The following LHFPL2 variants were observed in gnomAD, a reference collection of about 807,000 sequenced individuals.
The protein encoded by LHFPL2 is LHFPL tetraspan subfamily member 2 protein.
Under a neutral mutation model 17.5 loss-of-function variants are expected in LHFPL2, and 7 were observed. That is an observed-to-expected ratio of 0.40 (90% confidence interval 0.23 to 0.75). LHFPL2 has a LOEUF of 0.75. Ranked by LOEUF, LHFPL2 falls within the 30% of genes least tolerant of loss-of-function variation. The pLI, the probability that LHFPL2 is intolerant of heterozygous loss-of-function variation, is 0.37. For synonymous variants in LHFPL2, 134 were observed against 116.2 expected (o/e 1.15, Z -0.99); for missense variants, 241 against 294.8 (o/e 0.82, Z 1.34).
intron 4 of LHFPL2, among the ~76,000 whole-genome samples, chr5:78,507,791 A>G (rs1754975558): frequency 6.6e-6 from 1 of 152,230 alleles, no homozygotes; most frequent in Non-Finnish European, 1.5e-5. Flanking sequence ...AGCGAGGGAA[A>G]ACTAAACAGA....
intron 4 of LHFPL2, among the ~76,000 whole-genome samples, chr5:78,500,529 A>G (rs1421687301): frequency 6.6e-6 from 1 of 152,172 alleles, no homozygotes; most frequent in East Asian, 1.9e-4. Flanking sequence ...ACCCAGGAAG[A>G]GTTCTGGTTC....
intron 2 of LHFPL2, among the ~76,000 whole-genome samples, chr5:78,581,269 T>G (rs1479615284): frequency 6.6e-6 from 1 of 152,192 alleles, no homozygotes; most frequent in African/African-American, 2.4e-5. Context: ...TTTTCCTAAT[T>G]GAATACCCTT....
intron 2 of LHFPL2, among the ~76,000 whole-genome samples, chr5:78,579,709 A>C (rs1161097787): frequency 6.6e-6 from 1 of 152,132 alleles, no homozygotes; most frequent in Non-Finnish European, 1.5e-5. Context: ...TCCATGGTGT[A>C]TATGTGCCAC....
At chr5:78,530,676 C>T (rs535357480) in intron 3 of LHFPL2, among the ~76,000 whole-genome samples, 17 of 152,256 alleles carry the variant, frequency 1.1e-4, no homozygotes, top group East Asian at 5.8e-4. Flanking sequence ...AACATGGAAC[C>T]CAAACTGATC....
chr5:78,613,154 A>G (rs1386135794), intron 2 of LHFPL2, among the ~76,000 whole-genome samples: 1 of 152,192 alleles, frequency 6.6e-6, no homozygotes, highest in Non-Finnish European at 1.5e-5. Flanking sequence ...TACTGCTTAG[A>G]GGTCAACTTC....
intron 2 of LHFPL2, among the ~76,000 whole-genome samples, chr5:78,583,696 C>CTGAA (rs1300605176): frequency 6.6e-6 from 1 of 152,078 alleles, no homozygotes; most frequent in African/African-American, 2.4e-5. Context: ...CCCAACCTTT[C>CTGAA]TCTCTGGCTG....
rs549550230 is a variant in LHFPL2 at position 78,572,982 on chromosome 5, G to C, written c.-244-8111C>G. On this transcript the variant is annotated intron_variant, in intron 2 of 4. Transcript: ENST00000380345. ...CCTATGAGAATCTAATGCTGCTGCT[G>C]AGCTGACAGAAGGTGGAGCTCAGGC... Among the ~76,000 whole-genome samples, 8 of 152,314 alleles carry C rather than the reference G, an allele frequency of 5.3e-5. 1 individual carries two copies. The highest frequency in any genetic ancestry group is 5.2e-4 in the Admixed American group (8 of 15,306).
chr5:78,628,771 T>TGTTTTC (rs1197648803), intron 2 of LHFPL2, among the ~76,000 whole-genome samples: 1 of 152,250 alleles, frequency 6.6e-6, no homozygotes, highest in East Asian at 1.9e-4. Flanking sequence ...TTCAGCTGTT[T>TGTTTTC]GTTTTCTTTT....
At chr5:78,602,809 C>G (rs747038548) in intron 2 of LHFPL2, among the ~76,000 whole-genome samples, 1 of 152,164 alleles carries the variant, frequency 6.6e-6, no homozygotes, top group Non-Finnish European at 1.5e-5. Flanking sequence ...TGAGCCGGGC[C>G]CATGCAATTA....
At chr5:78,581,188 C>T (rs370362534) in intron 2 of LHFPL2, among the ~76,000 whole-genome samples, 1 of 151,994 alleles carries the variant, frequency 6.6e-6, no homozygotes, top group African/African-American at 2.4e-5. Context: ...GATTTTTGTA[C>T]ATTGATTGAC....
At chr5:78,591,721 A>T (rs375357372) in intron 2 of LHFPL2, among the ~76,000 whole-genome samples, 24 of 152,328 alleles carry the variant, frequency 1.6e-4, no homozygotes, top group South Asian at 1.0e-3. Context: ...CTTTGTTAAA[A>T]CCAACTCTGG....
chr5:78,618,803 T>G (rs959087932), intron 2 of LHFPL2, among the ~76,000 whole-genome samples: 6 of 152,166 alleles, frequency 3.9e-5, no homozygotes, highest in African/African-American at 1.4e-4. Flanking sequence ...AAAGGTAACA[T>G]GCACTGAGAC....
intron 3 of LHFPL2, among the ~76,000 whole-genome samples, chr5:78,534,335 CG>C (rs1480699155): frequency 6.6e-6 from 1 of 152,120 alleles, no homozygotes; most frequent in Non-Finnish European, 1.5e-5. Context: ...GAGAAATGGC[CG>C]GGAGTCCAGG....
At chr5:78,493,429 T>C (rs967312920) in intron 4 of LHFPL2, among the ~76,000 whole-genome samples, 1 of 152,252 alleles carries the variant, frequency 6.6e-6, no homozygotes, top group African/African-American at 2.4e-5. Flanking sequence ...AATTGTCATT[T>C]CATACGACTC....
intron 2 of LHFPL2, among the ~76,000 whole-genome samples, chr5:78,583,470 C>T (rs1322408097): frequency 1.2e-4 from 18 of 149,266 alleles, no homozygotes; most frequent in African/African-American, 4.2e-4. Context: ...TCTTTTAGGG[C>T]AGGCCTGGTG....
intron 2 of LHFPL2, among the ~76,000 whole-genome samples, chr5:78,577,802 CTTTT>C (rs527326951): frequency 7.0e-6 from 1 of 143,606 alleles, no homozygotes; most frequent in Non-Finnish European, 1.5e-5. Context: ...GTCCTTTGAG[CTTTT>C]TTTTTTTTAG....
chr5:78,612,683 G>A (rs1744461430), intron 2 of LHFPL2, among the ~76,000 whole-genome samples: 1 of 152,254 alleles, frequency 6.6e-6, no homozygotes, highest in African/African-American at 2.4e-5. Context: ...GCCTTTCCTT[G>A]CCCCAATCCC....
intron 3 of LHFPL2, among the ~76,000 whole-genome samples, chr5:78,562,979 GTAGGGCCTCTTCAC>G (rs1756769424): frequency 6.6e-6 from 1 of 152,244 alleles, no homozygotes; most frequent in African/African-American, 2.4e-5. Context: ...CATGAGAAGT[GTAGGGCCTCTTCAC>G]TCGGGTTTTC....
chr5:78,544,650 C>T (rs1460665491), intron 3 of LHFPL2, among the ~76,000 whole-genome samples: 2 of 151,988 alleles, frequency 1.3e-5, no homozygotes, highest in Non-Finnish European at 2.9e-5. Context: ...GCTTGCTGAC[C>T]GCAGCAGTTT....
Sources: allele counts gnomAD v4.1 joint callset (sites outside exome capture counted in the v4.1 genomes callset), GRCh38; gene constraint gnomAD v4.1.1; transcripts MANE v1.5; gene names NCBI Gene and HGNC (gene_info 2026-07-23, HGNC 2026-07-21).